The following TSPAN5 variants were observed in gnomAD, a reference collection of about 807,000 sequenced individuals.
TSPAN5 encodes tetraspanin 5.
In TSPAN5, 10 loss-of-function variants were observed where a neutral mutation model predicts 37.1. The ratio of observed to expected loss-of-function variants is 0.27; its 90% confidence interval spans 0.17 to 0.46. The LOEUF is 0.46. Ranked by LOEUF, TSPAN5 falls within the 20% of genes least tolerant of loss-of-function variation. The pLI is 1.00. For synonymous variants in TSPAN5, 110 were observed against 118.9 expected (o/e 0.93, Z 0.48); for missense variants, 195 against 326.6 (o/e 0.60, Z 3.11).
intron 1 of TSPAN5, among the ~76,000 whole-genome samples, chr4:98,576,551 G>A (rs1178130118): frequency 6.6e-6 from 1 of 151,952 alleles, no homozygotes; most frequent in Admixed American, 6.6e-5. Flanking sequence ...ACCAGCTTGG[G>A]CAAAAAACTA....
chr4:98,603,407 T>C (rs1755929445), intron 1 of TSPAN5, among the ~76,000 whole-genome samples: 1 of 152,214 alleles, frequency 6.6e-6, no homozygotes, highest in African/African-American at 2.4e-5. Flanking sequence ...AAGATCAGAT[T>C]TCTCAAGTAT....
At position 98,507,713 on chromosome 4, in the gene TSPAN5, A is replaced by T; in HGVS notation, c.97T>A (p.Phe33Ile). Residue 33 changes from phenylalanine to isoleucine, a missense_variant, in exon 2 of 8, where the codon TTT (phenylalanine) becomes ATT (isoleucine). Physicochemically the swap from Phe to Ile is conservative, Grantham distance 21 (BLOSUM62 0). Transcript: ENST00000305798. Reference protein sequence around the residue: ...NVIFWFLGITFLGIGLWAWNE... With the variant: ...NVIFWFLGITILGIGLWAWNE... ...CATGCCCACAGTCCAATTCCAAGAAATGTTATTCCCAAAAACTGAAAAAGA... is the reference window on the plus strand; with the variant it reads ...CATGCCCACAGTCCAATTCCAAGAATTGTTATTCCCAAAAACTGAAAAAGA... The T allele has an allele frequency of 6.2e-7, 1 of 1,611,546 alleles. No homozygotes were observed. Among genetic ancestry groups the T allele is most frequent in the Non-Finnish European group, 8.5e-7 (1 of 1,179,160 alleles).
intron 1 of TSPAN5, among the ~76,000 whole-genome samples, chr4:98,624,143 T>C (rs1756539189): frequency 6.6e-6 from 1 of 152,160 alleles, no homozygotes; most frequent in Admixed American, 6.5e-5. Context: ...TTGACATATA[T>C]GTTATTCCAA....
intron 1 of TSPAN5, among the ~76,000 whole-genome samples, chr4:98,651,864 C>CTTT (rs552597633): frequency 9.4e-5 from 9 of 95,240 alleles, no homozygotes; most frequent in Non-Finnish European, 9.9e-5. Context: ...CTTCAACATA[C>CTTT]TTTTTTTTTT....
chr4:98,568,432 C>T (rs893444435), intron 1 of TSPAN5, among the ~76,000 whole-genome samples: 1 of 152,118 alleles, frequency 6.6e-6, no homozygotes, highest in Non-Finnish European at 1.5e-5. Context: ...GTCCCAGCTA[C>T]TTGGGAGACT....
intron 1 of TSPAN5, among the ~76,000 whole-genome samples, chr4:98,657,104 G>A (rs1337100239): frequency 6.6e-6 from 1 of 152,084 alleles, no homozygotes; most frequent in South Asian, 2.1e-4. Flanking sequence ...GGATGAGAAG[G>A]GGAAGAAAAA....
At chr4:98,543,618 C>T (rs977485530) in intron 1 of TSPAN5, among the ~76,000 whole-genome samples, 2 of 151,742 alleles carry the variant, frequency 1.3e-5, no homozygotes, top group African/African-American at 4.8e-5. Flanking sequence ...CAGGGTTTCA[C>T]CATGTTGGCC....
intron 1 of TSPAN5, among the ~76,000 whole-genome samples, chr4:98,612,829 C>G (rs112679610): frequency 4.9e-4 from 74 of 152,350 alleles, no homozygotes; most frequent in African/African-American, 1.7e-3. Context: ...CTCCCTCCCC[C>G]CACAGGGCTA....
At chr4:98,605,856 A>C (rs1756028712) in intron 1 of TSPAN5, among the ~76,000 whole-genome samples, 1 of 152,200 alleles carries the variant, frequency 6.6e-6, no homozygotes, top group Non-Finnish European at 1.5e-5. Flanking sequence ...TTGTGAAATA[A>C]ACACCTCCCT....
intron 2 of TSPAN5, among the ~76,000 whole-genome samples, chr4:98,492,944 G>A (rs932445109): frequency 6.6e-6 from 1 of 152,176 alleles, no homozygotes; most frequent in South Asian, 2.1e-4. Flanking sequence ...TTGGGAGGCC[G>A]AGGTAGGGGG....
At chr4:98,545,384 G>A (rs1469284626) in intron 1 of TSPAN5, among the ~76,000 whole-genome samples, 1 of 152,206 alleles carries the variant, frequency 6.6e-6, no homozygotes, top group African/African-American at 2.4e-5. Context: ...ATTTTTGCCT[G>A]AGCCAGTTTG....
rs1194318640 is a variant in TSPAN5 at position 98,533,939 on chromosome 4, T to TAAAAAAAAAAAAAAAAAAAAAAAAAAA, written c.82-26212_82-26211insTTTTTTTTTTTTTTTTTTTTTTTTTTT. Among the ~76,000 whole-genome samples, 21 of 31,148 alleles carry TAAAAAAAAAAAAAAAAAAAAAAAAAAA rather than the reference T, an allele frequency of 6.7e-4. 3 individuals are homozygous for TAAAAAAAAAAAAAAAAAAAAAAAAAAA. Among genetic ancestry groups the TAAAAAAAAAAAAAAAAAAAAAAAAAAA allele is most frequent in the East Asian group, 8.9e-4 (1 of 1,128 alleles). The allele number at this position is 31,148 out of a possible 152,430, so 20.4% of individuals were successfully genotyped here. A position where few individuals can be genotyped will look rare whatever the true frequency, so the allele number is the denominator to read the frequency against. On this transcript the variant is annotated intron_variant, in intron 1 of 7. Coordinates refer to ENST00000305798, the MANE Select transcript of TSPAN5 (RefSeq NM_005723.4). The stretch of plus-strand genomic sequence containing the variant: ...AGTGGTCTATCCATTTTGTTGATCT[T>TAAAAAAAAAAAAAAAAAAAAAAAAAAA]AAAAAAAAAAAAAAAAAAAAAAACC...
chr4:98,498,130 C>T (rs906940461), intron 2 of TSPAN5, among the ~76,000 whole-genome samples: 22 of 152,156 alleles, frequency 1.4e-4, no homozygotes, highest in Admixed American at 1.2e-3. Flanking sequence ...AGCAGTGACT[C>T]CAGCCAGGCA....
At chr4:98,604,418 G>A (rs900279367) in intron 1 of TSPAN5, among the ~76,000 whole-genome samples, 4 of 152,182 alleles carry the variant, frequency 2.6e-5, no homozygotes, top group African/African-American at 9.7e-5. Context: ...AAATGACAGA[G>A]CCACTGCATC....
intron 4 of TSPAN5, among the ~76,000 whole-genome samples, chr4:98,479,634 G>T (rs1324503823): frequency 6.6e-6 from 1 of 152,084 alleles, no homozygotes. Context: ...ATCTTGCCAC[G>T]GCTCTTCTAG....
intron 1 of TSPAN5, among the ~76,000 whole-genome samples, chr4:98,562,606 A>G (rs1754906177): frequency 6.6e-6 from 1 of 152,158 alleles, no homozygotes; most frequent in South Asian, 2.1e-4. Flanking sequence ...GGTTGCAGAG[A>G]GCCGAGATCG....
chr4:98,497,780 C>T (rs116291287), intron 2 of TSPAN5, among the ~76,000 whole-genome samples: 1 of 152,126 alleles, frequency 6.6e-6, no homozygotes, highest in African/African-American at 2.4e-5. Flanking sequence ...CGGTTAAGAA[C>T]AGAGTGCATG....
chr4:98,566,060 T>A (rs1754997704), intron 1 of TSPAN5, among the ~76,000 whole-genome samples: 1 of 151,982 alleles, frequency 6.6e-6, no homozygotes, highest in African/African-American at 2.4e-5. Flanking sequence ...CCAGGGGAAA[T>A]GAGAGGAAAG....
intron 1 of TSPAN5, among the ~76,000 whole-genome samples, chr4:98,603,323 T>C (rs554419584): frequency 6.6e-6 from 1 of 152,286 alleles, no homozygotes; most frequent in Admixed American, 6.5e-5. Context: ...CTGAGGAACA[T>C]CTCCCCACCA....
Sources: allele counts gnomAD v4.1 joint callset (sites outside exome capture counted in the v4.1 genomes callset), GRCh38; gene constraint gnomAD v4.1.1; transcripts MANE v1.5; gene names NCBI Gene and HGNC (gene_info 2026-07-23, HGNC 2026-07-21).